The following FXYD4 variants were observed in gnomAD, a reference collection of about 807,000 sequenced individuals.
FXYD4 encodes FXYD domain-containing ion transport regulator 4.
FXYD4 carries 14 observed loss-of-function variants against 18.3 expected under a neutral mutation model. That is an observed-to-expected ratio of 0.77 (90% CI 0.51 to 1.20). The LOEUF is 1.20. Ranked by LOEUF, FXYD4 falls within the 50% of genes most tolerant of loss-of-function variation. The pLI is 0.00. For synonymous variants in FXYD4, 40 were observed against 40.5 expected (o/e 0.99, Z 0.04); for missense variants, 99 against 106.1 (o/e 0.93, Z 0.29).
intron 5 of FXYD4, 81 bp downstream of exon 5, chr10:43,374,720 T>C (rs1383515881): frequency 1.8e-6 from 2 of 1,102,224 alleles, no homozygotes; most frequent in East Asian, 4.7e-5. Context: ...AGGGGTAGTG[T>C]GGACCTAGTG....
chr10:43,376,035 T>C lies in FXYD4; in HGVS notation c.216T>C (p.Pro72=). 6.2e-7 allele frequency: 1 copy of C among 1,614,100 alleles called. No homozygotes were observed. The highest frequency in any genetic ancestry group is 8.5e-7 in the Non-Finnish European group (1 of 1,179,966). Residue 72 remains proline (P), a synonymous_variant, in exon 8 of 9, where the codon CCT becomes CCC. Transcript: ENST00000476166. ...KCKSSQKQHS[P]VPEKAIPLIT... ...TCTGATGTGGTCCTTTCTCTAGTCC[T>C]GTACCTGAGAAGGCCATCCCACTCA...
intron 7 of FXYD4, 54 bp from the exon 8 acceptor site, chr10:43,375,978 G>C: frequency 6.3e-7 from 1 of 1,582,818 alleles, no homozygotes; most frequent in Non-Finnish European, 8.7e-7. Context: ...GGGATATAGG[G>C]GAGAAGGTCC....
rs1227099242 is a variant in FXYD4 at position 43,376,088 on chromosome 10, G to A, written c.250+19G>A. The stretch of plus-strand genomic sequence containing the variant: ...ACTCCAGGTGAGACGGGCTTCTGTG[G>A]GCTGAGGGGGTGTCTGTGTAAGGAC... On this transcript the variant is annotated intron_variant, in intron 8 of 8. Coordinates refer to ENST00000476166, the MANE Select transcript of FXYD4 (RefSeq NM_173160.3). 2 of 1,613,982 alleles carry A rather than the reference G, an allele frequency of 1.2e-6. No homozygotes were observed. The highest frequency in any genetic ancestry group is 1.3e-5 in the African/African-American group (1 of 74,910).
intron 3 of FXYD4, 22 bp downstream of exon 3, chr10:43,373,805 G>A (rs775989409): frequency 1.3e-6 from 2 of 1,556,646 alleles, no homozygotes; most frequent in Non-Finnish European, 1.8e-6. Flanking sequence ...CAGTCTCCTG[G>A]GACCCTCTTG....
intron 5 of FXYD4, among the ~76,000 whole-genome samples, chr10:43,375,021 CTTTTTTTTTTTTTTT>C (rs964746350): frequency 1.1e-5 from 1 of 93,564 alleles, no homozygotes; most frequent in Non-Finnish European, 2.0e-5. Context: ...ATGTCCACTT[CTTTTTTTTTTTTTTT>C]TTTTTTTTGA....
At chr10:43,375,344 A>G (rs1837856725) in intron 5 of FXYD4, among the ~76,000 whole-genome samples, 155 bp from the exon 6 acceptor site, 1 of 151,630 alleles carries the variant, frequency 6.6e-6, no homozygotes, top group Admixed American at 6.6e-5. Context: ...TTTTCTTCTT[A>G]GTGTTTCCCC....
At chr10:43,374,427 G>A in intron 3 of FXYD4, 43 bp from the exon 4 acceptor site, 1 of 1,603,528 alleles carries the variant, frequency 6.2e-7, no homozygotes, top group East Asian at 2.2e-5. Context: ...TTGGACACCA[G>A]TGTCATGAAT....
In FXYD4 at chr10:43,373,654, A is replaced by G. The variant is rs1837834492; in HGVS notation, c.-93A>G. 8 of 800,740 alleles carry G rather than the reference A, an allele frequency of 1.0e-5. No individual in the cohort carries two copies. The highest frequency in any genetic ancestry group is 1.8e-5 in the Non-Finnish European group (8 of 443,488). 49.6% of individuals were successfully genotyped at this position (800,740 alleles called of 1,614,324 possible). On this transcript the variant is annotated 5_prime_UTR_variant, in exon 3 of 9. It removes the in-frame stop codon of an upstream open reading frame in the 5' UTR. Transcript: ENST00000476166. ...CCCCCGCCCCTGCCTCCTCTCGCTG[A>G]CCAATTGAGCTGTGAGCCTGGAGCA... is the stretch of plus-strand genomic sequence containing the variant.
intron 2 of FXYD4, 71 bp from the exon 3 acceptor site, chr10:43,373,444 A>G (rs1837831714): frequency 4.6e-6 from 2 of 436,932 alleles, no homozygotes; most frequent in African/African-American, 3.9e-5. Flanking sequence ...CGCCTTCTAC[A>G]GCACTTACTC....
intron 5 of FXYD4, 77 bp from the exon 6 acceptor site, chr10:43,375,422 A>G (rs1378024052): frequency 9.1e-7 from 1 of 1,093,784 alleles, no homozygotes; most frequent in Admixed American, 1.7e-5. Context: ...TGGCACAAGC[A>G]GGGGCTCAGG....
intron 7 of FXYD4, 131 bp downstream of exon 7, chr10:43,375,865 C>G: frequency 1.1e-5 from 13 of 1,212,908 alleles, no homozygotes; most frequent in Non-Finnish European, 1.5e-5. Flanking sequence ...GATAGTCAAC[C>G]CTGAAGGGCC....
chr10:43,373,492 C>T (rs1837832195), intron 2 of FXYD4, 23 bp from the exon 3 acceptor site: 1 of 565,050 alleles, frequency 1.8e-6, no homozygotes, highest in African/African-American at 1.9e-5. Context: ...CTTGTGCTTA[C>T]TCAATCCACA....
rs1045618446 is a variant in FXYD4 at position 43,376,332 on chromosome 10, C to A, written c.*166C>A. On this transcript the variant is annotated 3_prime_UTR_variant, in exon 9 of 9. Coordinates refer to ENST00000476166, the MANE Select transcript of FXYD4 (RefSeq NM_173160.3). ...ATGAATTAAACTCGCCCCACCACCC[C>A]CTCCTCGGTAGTCTTGTGATCCATC... 1.3e-5 allele frequency: 9 copies of A among 682,264 alleles called. No individual in the cohort carries two copies. The African/African-American group carries it at 1.4e-4, about 11-fold the overall frequency. The allele number at this position is 682,264 out of a possible 1,614,324, so 42.3% of individuals were successfully genotyped here.
chr10:43,375,792 C>T (rs1837864439), intron 7 of FXYD4, 58 bp downstream of exon 7: 2 of 1,557,930 alleles, frequency 1.3e-6, no homozygotes, highest in African/African-American at 1.4e-5. Context: ...GGGGACAGTC[C>T]TGACCTGGAG....
intron 5 of FXYD4, 78 bp downstream of exon 5, chr10:43,374,717 G>GT: frequency 8.8e-7 from 1 of 1,132,158 alleles, no homozygotes; most frequent in East Asian, 2.3e-5. Flanking sequence ...GTGAGGGGTA[G>GT]TGTGGACCTA....
intron 3 of FXYD4, among the ~76,000 whole-genome samples, chr10:43,374,133 G>A (rs573446781): frequency 6.6e-6 from 1 of 152,298 alleles, no homozygotes; most frequent in East Asian, 1.9e-4. Flanking sequence ...GGGAGGTCGA[G>A]GTTGCAGTGA....
At chr10:43,374,757 C>A in intron 5 of FXYD4, 118 bp downstream of exon 5, 2 of 861,684 alleles carry the variant, frequency 2.3e-6, no homozygotes, top group Non-Finnish European at 2.0e-6. Flanking sequence ...GGGGATTAAA[C>A]CTGGTCTCTG....
rs1378003771 is a variant in FXYD4, at chr10:43,374,637, A to G, written c.95A>G (p.Tyr32Cys). Residue 32 changes from tyrosine to cysteine, a missense_variant and splice_region_variant, in exon 5 of 9, where the codon TAT becomes TGT. Physicochemically the swap from Tyr to Cys is radical, Grantham distance 194. Transcript: ENST00000476166. ...GCCAATAAAGACGATCCCTTCTACTATGGTAAGAGCTGATATTCCCACCCC... is the reference window on the plus strand; with the variant it reads ...GCCAATAAAGACGATCCCTTCTACTGTGGTAAGAGCTGATATTCCCACCCC... ...PFANKDDPFYYDWKNLQLSGL... is the reference protein window; with the variant it reads ...PFANKDDPFYCDWKNLQLSGL... 1.2e-6 allele frequency: 2 copies of G among 1,612,426 alleles called. No homozygotes were observed. Among genetic ancestry groups the G allele is most frequent in the Admixed American group, 3.3e-5 (2 of 59,996 alleles).
At position 43,374,626 on chromosome 10, in the gene FXYD4, T is replaced by A; in HGVS notation, c.84T>A (p.Asp28Glu). Residue 28 changes from aspartate to glutamate, a missense_variant, in exon 5 of 9, where the codon GAT (aspartate) becomes GAA (glutamate). By Grantham distance (45) the Asp-to-Glu change is conservative. Transcript: ENST00000476166. ...CACTTTTTCTAGCCAATAAAGACGATCCCTTCTACTATGGTAAGAGCTGAT... is the reference window on the plus strand; with the variant it reads ...CACTTTTTCTAGCCAATAAAGACGAACCCTTCTACTATGGTAAGAGCTGAT... ...EANDPFANKD[D>E]PFYYDWKNLQ... 1 of 1,613,530 alleles carries A rather than the reference T, an allele frequency of 6.2e-7. No homozygotes were observed.
Sources: gnomAD v4.1 joint callset for allele counts (sites outside exome capture counted in the v4.1 genomes callset) on GRCh38, gnomAD v4.1.1 for gene constraint, MANE v1.5 for transcripts, NCBI Gene and HGNC (gene_info 2026-07-23, HGNC 2026-07-21) for gene names.